Variants in RBBP8 observed in about 807,000 individuals in gnomAD.
RBBP8 encodes RB binding protein 8, endonuclease, also known as DNA endonuclease RBBP8.
Under a neutral mutation model 108.3 loss-of-function variants are expected in RBBP8, and 88 were observed. The observed-to-expected ratio is 0.81, with a 90% CI of 0.68 to 0.97. The LOEUF (loss-of-function observed/expected upper bound fraction) is 0.97. Ranked by LOEUF, RBBP8 falls within the 50% of genes least tolerant of loss-of-function variation. RBBP8 has a pLI of 0.00. For missense variants in RBBP8, 1,023 were observed against 1,049.0 expected (o/e 0.98, Z 0.34); for synonymous variants, 332 against 348.2 (o/e 0.95, Z 0.52).
intron 16 of RBBP8, among the ~76,000 whole-genome samples, chr18:23,008,524 C>G (rs553136801): frequency 1.3e-5 from 2 of 152,208 alleles, no homozygotes; most frequent in African/African-American, 4.8e-5. Flanking sequence ...GTGTTGTAAT[C>G]CATTGCAGTC....
chr18:22,992,708 T>C (rs1915780775), intron 10 of RBBP8, 40 bp from the exon 11 acceptor site: 1 of 1,518,114 alleles, frequency 6.6e-7, no homozygotes, highest in Non-Finnish European at 9.1e-7. Flanking sequence ...GACCTTACTA[T>C]TAATTCTGTA....
upstream of RBBP8, among the ~76,000 whole-genome samples, chr18:22,930,035 G>C (rs568514924): frequency 6.6e-6 from 1 of 152,160 alleles, no homozygotes; most frequent in East Asian, 1.9e-4. Flanking sequence ...ATAGATTCTA[G>C]AATCTACAGG....
intron 16 of RBBP8, among the ~76,000 whole-genome samples, chr18:23,014,007 T>C (rs2046214993): frequency 6.6e-6 from 1 of 152,086 alleles, no homozygotes; most frequent in South Asian, 2.1e-4. Flanking sequence ...TTTTATTTAT[T>C]TATTTATTTA....
rs1005605676 is a variant in RBBP8 at position 23,001,596 on chromosome 18, A to C, written c.2154A>C (p.Arg718Ser). 17 of 1,614,014 alleles carry C rather than the reference A, an allele frequency of 1.1e-5. No homozygotes were observed. Among genetic ancestry groups the C allele is most frequent in the Non-Finnish European group, 1.3e-5 (15 of 1,180,008 alleles). Residue 718 changes from arginine (R) to serine (S), a missense_variant, in exon 15 of 19, where the codon AGA (arginine) becomes AGC (serine). By Grantham distance (110) the Arg-to-Ser change is moderately radical. Transcript: ENST00000327155. Reference sequence around the variant, plus strand: ...TGCTCTTTTACATAGATGAAGAAAGAAAAATGAATGATAGCTTGGAAGATA... The same window carrying C: ...TGCTCTTTTACATAGATGAAGAAAGCAAAATGAATGATAGCTTGGAAGATA... ...QKGEKSSNEE[R>S]KMNDSLEDMF...
intron 4 of RBBP8, among the ~76,000 whole-genome samples, chr18:22,954,871 G>T (rs1055501455): frequency 6.6e-6 from 1 of 152,070 alleles, no homozygotes; most frequent in African/African-American, 2.4e-5. Context: ...ATCAGATCTC[G>T]TTAGAACTCA....
At chr18:22,951,977 A>G (rs1052532943) in intron 4 of RBBP8, among the ~76,000 whole-genome samples, 1 of 152,200 alleles carries the variant, frequency 6.6e-6, no homozygotes, top group African/African-American at 2.4e-5. Flanking sequence ...CATCCACTTG[A>G]AGAACTAGAG....
chr18:23,013,654 T>G (rs189638095), intron 16 of RBBP8, among the ~76,000 whole-genome samples: 86 of 152,306 alleles, frequency 5.6e-4, no homozygotes, highest in African/African-American at 2.0e-3. Context: ...AAGGAGGAGT[T>G]AGTTTTGGGA....
intron 4 of RBBP8, among the ~76,000 whole-genome samples, chr18:22,958,676 C>T (rs1343639628): frequency 3.3e-5 from 5 of 152,066 alleles, no homozygotes; most frequent in Non-Finnish European, 7.4e-5. Flanking sequence ...CTTAGAGTAG[C>T]TGGGACTACA....
chr18:22,960,525 G>A lies in RBBP8; in HGVS notation c.249-8281G>A, dbSNP rs576283407. Among the ~76,000 whole-genome samples, 11 of 152,284 alleles carry A rather than the reference G, an allele frequency of 7.2e-5. No homozygotes were observed. In the East Asian group the frequency reaches 1.2e-3, roughly 16 times the overall value. On this transcript the variant is annotated intron_variant, in intron 4 of 18. Transcript: ENST00000327155. ...CATGCCACTGCACTCCAGCCTGGGC[G>A]AAAGAGCAAGACCCTGTCTCAACAA...
chr18:22,994,365 C>T (rs1311816815), intron 12 of RBBP8, among the ~76,000 whole-genome samples: 3 of 149,232 alleles, frequency 2.0e-5, no homozygotes, highest in East Asian at 2.1e-4. Flanking sequence ...ATTGTTGGCC[C>T]GGTACGGTGG....
chr18:22,982,590 C>T (rs1915013522), intron 7 of RBBP8, among the ~76,000 whole-genome samples, 197 bp downstream of exon 7: 1 of 152,104 alleles, frequency 6.6e-6, no homozygotes, highest in Admixed American at 6.5e-5. Context: ...TACGTGTCAT[C>T]TATATGACAT....
intron 16 of RBBP8, among the ~76,000 whole-genome samples, chr18:23,012,302 C>T (rs2046183106): frequency 6.7e-6 from 1 of 149,628 alleles, no homozygotes; most frequent in African/African-American, 2.5e-5. Flanking sequence ...AAATCAAATG[C>T]TAGAAATGAT....
intron 4 of RBBP8, among the ~76,000 whole-genome samples, chr18:22,962,474 C>T (rs1913185267): frequency 6.6e-6 from 1 of 152,050 alleles, no homozygotes; most frequent in Admixed American, 6.6e-5. Flanking sequence ...AAAATTGCAC[C>T]AAGTTCCCCA....
intron 4 of RBBP8, among the ~76,000 whole-genome samples, chr18:22,953,456 A>G (rs748598656): frequency 1.3e-5 from 2 of 152,186 alleles, no homozygotes; most frequent in Non-Finnish European, 2.9e-5. Context: ...CATTTTCATT[A>G]TGTTTTTCTT....
chr18:22,990,797 C>T, intron 9 of RBBP8, 140 bp from the exon 10 acceptor site: 1 of 639,628 alleles, frequency 1.6e-6, no homozygotes, highest in Non-Finnish European at 2.8e-6. Context: ...TAAATGGAAT[C>T]ATACATTATG....
intron 17 of RBBP8, among the ~76,000 whole-genome samples, chr18:23,019,043 G>T (rs900300970): frequency 6.6e-6 from 1 of 152,136 alleles, no homozygotes; most frequent in Admixed American, 6.5e-5. Context: ...CTAACAATGG[G>T]AATATAAATT....
At chr18:23,006,213 T>A in intron 15 of RBBP8, 150 bp from the exon 16 acceptor site, 2 of 690,708 alleles carry the variant, frequency 2.9e-6, no homozygotes, top group African/African-American at 1.8e-5. Flanking sequence ...GTTACAAAGT[T>A]GCAGAAAATT....
At chr18:22,958,409 T>A (rs1912771647) in intron 4 of RBBP8, among the ~76,000 whole-genome samples, 1 of 152,256 alleles carries the variant, frequency 6.6e-6, no homozygotes, top group South Asian at 2.1e-4. Context: ...ATAATTATGT[T>A]ATGATAATGA....
chr18:22,936,699 C>T, intron 1 of RBBP8, 55 bp from the exon 2 acceptor site: 1 of 794,152 alleles, frequency 1.3e-6, no homozygotes, highest in South Asian at 1.6e-5. Context: ...ATCCTGATTT[C>T]AAAGTACATA....
Sources: gnomAD v4.1 joint callset for allele counts (sites outside exome capture counted in the v4.1 genomes callset) on GRCh38, gnomAD v4.1.1 for gene constraint, MANE v1.5 for transcripts, NCBI Gene and HGNC (gene_info 2026-07-23, HGNC 2026-07-21) for gene names.